Variants in PEX7 observed in about 807,000 individuals in gnomAD.
The protein encoded by PEX7 is PTS2 receptor.
In PEX7, 34 loss-of-function variants were observed where a neutral mutation model predicts 47.5. That is an observed-to-expected ratio of 0.72 (90% confidence interval 0.54 to 0.95). PEX7 has a LOEUF of 0.95. Among genes scored for constraint, PEX7 ranks in the 40% least tolerant of loss-of-function variants. The pLI, the probability that PEX7 is intolerant of heterozygous loss-of-function variation, is 0.00. For missense variants in PEX7, 394 were observed against 400.3 expected (o/e 0.98, Z 0.13); for synonymous variants, 141 against 148.8 (o/e 0.95, Z 0.38).
intron 3 of PEX7, among the ~76,000 whole-genome samples, chr6:136,831,472 G>A (rs943942409): frequency 4.6e-5 from 7 of 152,134 alleles, no homozygotes; most frequent in Non-Finnish European, 5.9e-5. Flanking sequence ...CACTCCTGGC[G>A]CCTCCCAAAT....
intron 3 of PEX7, among the ~76,000 whole-genome samples, chr6:136,827,139 C>G (rs145838905): frequency 2.6e-5 from 4 of 152,264 alleles, no homozygotes; most frequent in African/African-American, 9.6e-5. Flanking sequence ...AATCTACTTT[C>G]AAATTTTTGT....
At chr6:136,848,443 A>G (rs1038805559) in intron 5 of PEX7, among the ~76,000 whole-genome samples, 5 of 152,308 alleles carry the variant, frequency 3.3e-5, no homozygotes, top group Non-Finnish European at 5.9e-5. Flanking sequence ...GAATGCTTCC[A>G]GTTTTTACCC....
chr6:136,846,177 C>T lies in PEX7; in HGVS notation c.522C>T (p.Ala174=), dbSNP rs1440953812. The T allele has an allele frequency of 2.5e-6, 4 of 1,600,114 alleles. No homozygotes were observed. The highest frequency in any genetic ancestry group is 1.3e-5 in the African/African-American group (1 of 74,552). The change falls in exon 5 of 10, where the codon GCC becomes GCT. Residue 174 remains alanine, a synonymous_variant. Coordinates refer to ENST00000318471, the MANE Select transcript of PEX7 (RefSeq NM_000288.4). ...SPHIPGCFAS[A]SGDQTLRIWD... The stretch of plus-strand genomic sequence containing the variant: ...ACATCCCTGGTTGTTTTGCTTCAGC[C>T]TCAGGTAAATTATTCTGTATTTACC...
intron 8 of PEX7, among the ~76,000 whole-genome samples, chr6:136,891,210 C>G (rs1189774132): frequency 2.6e-5 from 4 of 152,088 alleles, no homozygotes; most frequent in Non-Finnish European, 5.9e-5. Context: ...TCAGAGTACT[C>G]TAGGCTTTGT....
At chr6:136,895,629 C>T (rs577566435) in intron 8 of PEX7, among the ~76,000 whole-genome samples, 5 of 152,248 alleles carry the variant, frequency 3.3e-5, no homozygotes, top group African/African-American at 9.6e-5. Flanking sequence ...TTTTATGTTT[C>T]GTCCAGGGTT....
chr6:136,870,715 T>C, intron 7 of PEX7: 1 of 392,780 alleles, frequency 2.5e-6, no homozygotes, highest in South Asian at 1.9e-5. Context: ...CTAAATTTTT[T>C]TTTCTTTTTT....
chr6:136,845,746 A>C, intron 4 of PEX7, 54 bp downstream of exon 4: 2 of 1,100,922 alleles, frequency 1.8e-6, no homozygotes, highest in South Asian at 1.2e-5. Flanking sequence ...TAGAGCTTCC[A>C]CTAAATTTTC....
intron 7 of PEX7, among the ~76,000 whole-genome samples, chr6:136,871,491 T>G (rs1267530934): frequency 6.6e-6 from 1 of 152,200 alleles, no homozygotes; most frequent in African/African-American, 2.4e-5. Flanking sequence ...ATTATATAAT[T>G]ATATATTTGT....
intron 3 of PEX7, among the ~76,000 whole-genome samples, chr6:136,842,518 A>G (rs1238019874): frequency 2.0e-5 from 3 of 152,210 alleles, no homozygotes; most frequent in East Asian, 1.9e-4. Context: ...GTGAGTAGTC[A>G]TAAGGTGTCA....
At chr6:136,899,075 C>CTTT (rs1562757198) in intron 9 of PEX7, among the ~76,000 whole-genome samples, 2 of 108,730 alleles carry the variant, frequency 1.8e-5, no homozygotes, top group Non-Finnish European at 2.0e-5. Context: ...TTTTTTTTTT[C>CTTT]TTTTCTTTTT....
At chr6:136,853,140 T>C (rs1774791007) in intron 5 of PEX7, among the ~76,000 whole-genome samples, 1 of 152,236 alleles carries the variant, frequency 6.6e-6, no homozygotes, top group Admixed American at 6.5e-5. Context: ...ATAAATAGTT[T>C]CATTGGGATG....
chr6:136,900,353 G>T lies in PEX7; in HGVS notation c.903+2112G>T. ...TTTGTATTATTTTAATTATTTTTAT[G>T]TACAGAAAACTCAACCGTGTACATT... On this transcript the variant is annotated intron_variant, in intron 9 of 9. Transcript: ENST00000318471. This position sits in a 1 kb window ranked among gnomAD's most constrained non-coding sequence, Gnocchi z 4.2. The T allele has an allele frequency of 4.9e-6, 1 of 204,968 alleles. No homozygotes were observed. The highest frequency in any genetic ancestry group is 1.0e-5 in the Non-Finnish European group (1 of 97,618). 12.7% of individuals were successfully genotyped at this position (204,968 alleles called of 1,614,324 possible).
At chr6:136,848,326 C>G (rs1406110735) in intron 5 of PEX7, among the ~76,000 whole-genome samples, 2 of 152,134 alleles carry the variant, frequency 1.3e-5, no homozygotes, top group Admixed American at 1.3e-4. Context: ...TAATTGAATA[C>G]CCTTTATTTC....
chr6:136,869,724 T>A (rs886488603), intron 6 of PEX7, among the ~76,000 whole-genome samples, 166 bp from the exon 7 acceptor site: 1 of 152,206 alleles, frequency 6.6e-6, no homozygotes, highest in South Asian at 2.1e-4. Context: ...TTGCTATTAA[T>A]GTCTATGTTG....
chr6:136,897,348 A>G (rs1775669651), intron 8 of PEX7, among the ~76,000 whole-genome samples: 1 of 152,224 alleles, frequency 6.6e-6, no homozygotes, highest in Admixed American at 6.5e-5. Context: ...TTTAGAATCA[A>G]ATAAAAAAGA....
At chr6:136,823,245 C>G (rs1774118200) in intron 1 of PEX7, 3 of 985,312 alleles carry the variant, frequency 3.0e-6, no homozygotes, top group Admixed American at 6.1e-5. Flanking sequence ...GAGCACTGAG[C>G]TGCGACCTGC....
At chr6:136,899,065 T>G (rs772826650) in intron 9 of PEX7, among the ~76,000 whole-genome samples, 6 of 137,616 alleles carry the variant, frequency 4.4e-5, no homozygotes, top group South Asian at 2.4e-4. Context: ...TATGTAAGTG[T>G]TTTTTTTTTC....
rs552758714 is a variant in PEX7 at position 136,858,906 on chromosome 6, A to G, written c.527-7721A>G. On this transcript the variant is annotated intron_variant, in intron 5 of 9. Transcript: ENST00000318471. ...ACGAGTGTTTATTATAAAACATAAC[A>G]TAATCTTTGCATAAAGTAATCCCAA... Among the ~76,000 whole-genome samples, 10 of 152,308 alleles carry G rather than the reference A, an allele frequency of 6.6e-5. No homozygotes were observed. The South Asian group carries it at 1.9e-3, about 28-fold the overall frequency.
chr6:136,843,343 T>C (rs1285478204), intron 3 of PEX7, among the ~76,000 whole-genome samples: 2 of 152,242 alleles, frequency 1.3e-5, no homozygotes, highest in Admixed American at 6.5e-5. Flanking sequence ...ATTTTTATTT[T>C]TGACTGTTTA....
Sources: allele counts gnomAD v4.1 joint callset (sites outside exome capture counted in the v4.1 genomes callset), GRCh38; gene constraint gnomAD v4.1.1; non-coding constraint Gnocchi (gnomAD v3.1); transcripts MANE v1.5; gene names NCBI Gene and HGNC (gene_info 2026-07-23, HGNC 2026-07-21).